Variants in TP63 observed in about 807,000 individuals in gnomAD.
The protein encoded by TP63 is tumor protein p63, also known as tumor protein 63.
In TP63, 17 loss-of-function variants were observed where a neutral mutation model predicts 82.8. The ratio of observed to expected loss-of-function variants is 0.21; its 90% CI spans 0.14 to 0.31. The LOEUF is 0.31. Among genes scored for constraint, TP63 ranks in the 10% least tolerant of loss-of-function variants. The probability of loss-of-function intolerance (pLI) is 1.00; values close to 1 mark genes in which losing one functional copy is unlikely to be tolerated. For missense variants in TP63, 648 were observed against 895.3 expected (o/e 0.72, Z 3.52); for synonymous variants, 330 against 321.7 (o/e 1.03, Z -0.28).
chr3:189,868,819 A>G (rs1718055249), intron 8 of TP63, 103 bp downstream of exon 8: 2 of 1,589,136 alleles, frequency 1.3e-6, no homozygotes, highest in African/African-American at 2.7e-5. Flanking sequence ...TGTGACCTTC[A>G]GCAGCAAGTG....
chr3:189,781,313 A>G (rs569492526), intron 3 of TP63, among the ~76,000 whole-genome samples: 15 of 152,110 alleles, frequency 9.9e-5, no homozygotes, highest in Non-Finnish European at 1.9e-4. Context: ...TGACTTATCC[A>G]CCCTCGTGGT....
At chr3:189,805,646 C>T (rs565743970) in intron 3 of TP63, among the ~76,000 whole-genome samples, 9 of 152,338 alleles carry the variant, frequency 5.9e-5, no homozygotes, top group African/African-American at 2.2e-4. Flanking sequence ...GCCCGCTCAC[C>T]AGGAGAAATA....
At chr3:189,690,576 A>G (rs937332679) in intron 1 of TP63, among the ~76,000 whole-genome samples, 1 of 152,166 alleles carries the variant, frequency 6.6e-6, no homozygotes, top group Admixed American at 6.5e-5. Context: ...CTTCCTATAG[A>G]CACATTTATT....
the TP63 span, among the ~76,000 whole-genome samples, chr3:189,603,004 T>A: frequency 6.6e-6 from 1 of 152,176 alleles, no homozygotes; most frequent in Non-Finnish European, 1.5e-5. Context: ...AAATTCATTT[T>A]GAAACTTTAT....
At chr3:189,652,222 G>T (rs1192033956) in intron 1 of TP63, among the ~76,000 whole-genome samples, 1 of 146,898 alleles carries the variant, frequency 6.8e-6, no homozygotes. Context: ...AGCCAGGAGG[G>T]GGGCTGTACC....
At chr3:189,777,670 A>C (rs534636259) in intron 3 of TP63, among the ~76,000 whole-genome samples, 1 of 151,348 alleles carries the variant, frequency 6.6e-6, no homozygotes, top group Admixed American at 6.6e-5. Flanking sequence ...CTCTGTTCCC[A>C]TAGAACTATG....
chr3:189,652,500 A>T (rs1712980202), intron 1 of TP63, among the ~76,000 whole-genome samples: 1 of 147,052 alleles, frequency 6.8e-6, no homozygotes, highest in African/African-American at 2.5e-5. Flanking sequence ...ACAGGCTCAT[A>T]GGCAGAAGGG....
chr3:189,859,418 TTTA>T (rs1716729248), intron 4 of TP63, among the ~76,000 whole-genome samples: 1 of 152,172 alleles, frequency 6.6e-6, no homozygotes, highest in Non-Finnish European at 1.5e-5. Context: ...TGTTTTTATT[TTTA>T]TTATATATAA....
At chr3:189,711,389 T>G (rs1341093442) in intron 1 of TP63, among the ~76,000 whole-genome samples, 1 of 152,180 alleles carries the variant, frequency 6.6e-6, no homozygotes, top group African/African-American at 2.4e-5. Flanking sequence ...TTTTTGTGTT[T>G]ACAATGACAA....
the TP63 span, among the ~76,000 whole-genome samples, chr3:189,600,824 TCCTATTAG>T: frequency 3.3e-5 from 5 of 152,196 alleles, no homozygotes; most frequent in African/African-American, 1.2e-4. Context: ...TACTCAATTT[TCCTATTAG>T]CCTTGACTAC....
At chr3:189,858,448 C>T (rs1716586893) in intron 4 of TP63, among the ~76,000 whole-genome samples, 1 of 150,986 alleles carries the variant, frequency 6.6e-6, no homozygotes, top group Admixed American at 6.6e-5. Context: ...TGTGTATATG[C>T]ACAGTAGAAT....
chr3:189,893,711 C>T (rs1331787341), intron 13 of TP63, among the ~76,000 whole-genome samples: 5 of 152,130 alleles, frequency 3.3e-5, no homozygotes, highest in Non-Finnish European at 7.4e-5. Flanking sequence ...ATCTATAAAA[C>T]AGGTCTAATA....
At chr3:189,686,460 C>T (rs535559263) in intron 1 of TP63, among the ~76,000 whole-genome samples, 13 of 152,122 alleles carry the variant, frequency 8.5e-5, no homozygotes, top group Non-Finnish European at 1.5e-4. Flanking sequence ...TTTTGGGGAT[C>T]ATGGACCCTC....
chr3:189,601,852 T>C, the TP63 span, among the ~76,000 whole-genome samples: 9 of 152,178 alleles, frequency 5.9e-5, no homozygotes, highest in Non-Finnish European at 1.5e-5. Flanking sequence ...CGTAGCCAAC[T>C]TCCAGCTTCC....
At chr3:189,781,039 G>T (rs17505775) in intron 3 of TP63, among the ~76,000 whole-genome samples, 5 of 152,018 alleles carry the variant, frequency 3.3e-5, no homozygotes, top group Admixed American at 1.3e-4. Context: ...ATCCGAGAAC[G>T]TCAGGCCCAG....
intron 3 of TP63, among the ~76,000 whole-genome samples, chr3:189,767,495 T>C (rs1262546085): frequency 2.0e-5 from 3 of 152,216 alleles, no homozygotes; most frequent in Non-Finnish European, 4.4e-5. Flanking sequence ...GGCTAAAATC[T>C]GAATGGCCAA....
intron 10 of TP63, 121 bp from the exon 11 acceptor site, chr3:189,886,273 A>G: frequency 1.7e-6 from 2 of 1,153,718 alleles, no homozygotes; most frequent in Non-Finnish European, 2.5e-6. Context: ...CATTAATCCT[A>G]GAAGAATGTT....
chr3:189,721,329 T>G lies in TP63; in HGVS notation c.63-16411T>G, dbSNP rs560704646. Among the ~76,000 whole-genome samples the G allele has an allele frequency of 6.6e-5, 10 of 152,308 alleles. No homozygotes were observed. In the East Asian group the frequency reaches 1.9e-3, roughly 29 times the overall value. On this transcript the variant is annotated intron_variant, in intron 1 of 13. Transcript: ENST00000264731. The stretch of plus-strand genomic sequence containing the variant: ...AGAATAATAAAGTAGGAAGGATGCT[T>G]AGTGATTTTCTAGTATTTTCTAGTA...
intron 3 of TP63, among the ~76,000 whole-genome samples, chr3:189,747,656 A>T (rs1450436657): frequency 2.0e-5 from 3 of 152,104 alleles, no homozygotes; most frequent in Non-Finnish European, 2.9e-5. Context: ...TAAACAATCC[A>T]ACAATGCACC....
Sources: allele counts gnomAD v4.1 joint callset (sites outside exome capture counted in the v4.1 genomes callset), GRCh38; gene constraint gnomAD v4.1.1; transcripts MANE v1.5; gene names NCBI Gene and HGNC (gene_info 2026-07-23, HGNC 2026-07-21).